The following SPTY2D1 variants were observed in gnomAD, a reference collection of about 807,000 sequenced individuals.
The protein encoded by SPTY2D1 is protein SPT2 homolog.
A neutral mutation model predicts 64.0 loss-of-function variants in SPTY2D1; 21 were observed. That is an observed-to-expected ratio of 0.33 (90% confidence interval 0.23 to 0.47). The LOEUF (loss-of-function observed/expected upper bound fraction) is 0.47, where lower values mean the gene tolerates loss of function less well. Among genes scored for constraint, SPTY2D1 ranks in the 20% least tolerant of loss-of-function variants. The pLI, the probability that SPTY2D1 is intolerant of heterozygous loss-of-function variation, is 1.00. For synonymous variants in SPTY2D1, 287 were observed against 286.8 expected (o/e 1.00, Z -0.01); for missense variants, 724 against 837.2 (o/e 0.86, Z 1.67).
intron 1 of SPTY2D1, among the ~76,000 whole-genome samples, chr11:18,629,888 C>A (rs529714439): frequency 8.5e-4 from 130 of 152,296 alleles, no homozygotes; most frequent in Middle Eastern, 3.4e-3. Flanking sequence ...AAATAAAGCT[C>A]TGCCGGGCAC....
intron 1 of SPTY2D1, among the ~76,000 whole-genome samples, chr11:18,622,103 A>C (rs1168742161): frequency 1.4e-5 from 2 of 148,056 alleles, no homozygotes; most frequent in African/African-American, 4.9e-5. Context: ...AAAAAAAAAA[A>C]ACCAAAACCA....
rs1413961464 is a variant in SPTY2D1, at chr11:18,629,814, A to G, written c.60+4384T>C. 3.3e-5 allele frequency among the ~76,000 whole-genome samples: 5 copies of G among 152,164 alleles called. No homozygotes were observed. The East Asian group carries it at 9.6e-4, about 29-fold the overall frequency. On this transcript the variant is annotated intron_variant, in intron 1 of 5. Coordinates refer to ENST00000336349, the MANE Select transcript of SPTY2D1 (RefSeq NM_194285.3). ...AACTATTTGTTAAAAATTAAGAAAC[A>G]AAAAAATGATGATTAGGGAAATACT...
Position 18,617,205 on chromosome 11 carries a change from C to T in SPTY2D1, c.61-216G>A, listed in dbSNP as rs529411592. 2.0e-5 allele frequency among the ~76,000 whole-genome samples: 3 copies of T among 152,244 alleles called. No individual in the cohort carries two copies. The South Asian group carries it at 6.2e-4, about 32-fold the overall frequency. ...TTTGGGGTACAAAGTTTCCATGTAA[C>T]ATCCCAAAATAATGCATAAATGAAC... On this transcript the variant is annotated intron_variant, in intron 1 of 5. Coordinates refer to ENST00000336349, the MANE Select transcript of SPTY2D1 (RefSeq NM_194285.3).
Position 18,632,353 on chromosome 11 carries a change from TG to T in SPTY2D1, c.60+1844del, listed in dbSNP as rs1188094096. Among the ~76,000 whole-genome samples, 758 of 150,206 alleles carry T rather than the reference TG, an allele frequency of 5.0e-3. 3 individuals carry two copies. The highest frequency in any genetic ancestry group is 0.015 in the African/African-American group (621 of 41,266). On this transcript the variant is annotated intron_variant, in intron 1 of 5. Transcript: ENST00000336349. ...TAAAATATATGGCTATATTATCTAT[TG>T]ATTTTTTTTTTTTTGAAATGAAGTT...
At chr11:18,619,497 A>T (rs1218961967) in intron 1 of SPTY2D1, among the ~76,000 whole-genome samples, 12 of 151,010 alleles carry the variant, frequency 7.9e-5, no homozygotes. Flanking sequence ...AGTGACTTAC[A>T]CCTGTAATCC....
Position 18,612,217 on chromosome 11 carries a change from T to A in SPTY2D1, c.1886+97A>T. 7 of 915,946 alleles carry A rather than the reference T, an allele frequency of 7.6e-6. No homozygotes were observed. The highest frequency in any genetic ancestry group is 1.1e-5 in the Non-Finnish European group (7 of 633,052). The allele number at this position is 915,946 out of a possible 1,614,324, so 56.7% of individuals were successfully genotyped here. On this transcript the variant is annotated intron_variant, in intron 4 of 5. Transcript: ENST00000336349. The surrounding 1 kb of genome is among the most constrained non-coding windows in gnomAD (Gnocchi z 4.6). ...CCCAAGGGTTCCTAATTAAGAATTG[T>A]ATTCAGTGCCTCCACTATTAGTTTA...
rs1854275451 is a variant in SPTY2D1, at chr11:18,615,190, T to C, written c.1084A>G (p.Lys362Glu). The C allele has an allele frequency of 6.2e-7, 1 of 1,614,182 alleles. No homozygotes were observed. Among genetic ancestry groups the C allele is most frequent in the Admixed American group, 1.7e-5 (1 of 60,030 alleles). ...TGCCTGACACCTGGACTCTTAGCCT[T>C]ATTGTGTGGGGTGACCATGGGCCCA... ...RPGPMVTPHN[K>E]AKSPGVRQPG... The change falls in exon 3 of 6, where the codon AAG becomes GAG. Residue 362 changes from lysine to glutamate, a missense_variant. Around this residue, in one of 3 missense-constraint regions of SPTY2D1, gnomAD observed 426 missense variants for 431.8 expected, o/e 0.99. Coordinates refer to ENST00000336349, the MANE Select transcript of SPTY2D1 (RefSeq NM_194285.3).
At chr11:18,632,145 T>G in intron 1 of SPTY2D1, among the ~76,000 whole-genome samples, 1 of 150,142 alleles carries the variant, frequency 6.7e-6, no homozygotes, top group East Asian at 1.9e-4. Context: ...AGAGTGAGAC[T>G]CTATCTTAAA....
In SPTY2D1 at chr11:18,609,044, C is replaced by T. The variant is rs1854151619; in HGVS notation, c.*817G>A. 6.6e-6 allele frequency: 1 copy of T among 152,302 alleles called. No individual in the cohort carries two copies. Among genetic ancestry groups the T allele is most frequent in the Admixed American group, 6.6e-5 (1 of 15,244 alleles). The allele number at this position is 152,302 out of a possible 1,614,324, so 9.4% of individuals were successfully genotyped here. ...CTTATTTTATAAACTATTACTCTTTCAAATCTAATGTTTGAATAAAATATT... is the reference window on the plus strand; with the variant it reads ...CTTATTTTATAAACTATTACTCTTTTAAATCTAATGTTTGAATAAAATATT... On this transcript the variant is annotated 3_prime_UTR_variant, in exon 6 of 6. Coordinates refer to ENST00000336349, the MANE Select transcript of SPTY2D1 (RefSeq NM_194285.3).
At chr11:18,630,513 G>T (rs1190020518) in intron 1 of SPTY2D1, among the ~76,000 whole-genome samples, 2 of 152,176 alleles carry the variant, frequency 1.3e-5, no homozygotes, top group African/African-American at 4.8e-5. Context: ...CTGAAAGGCT[G>T]AAGTGGCTGT....
intron 1 of SPTY2D1, among the ~76,000 whole-genome samples, 159 bp downstream of exon 1, chr11:18,634,039 C>G (rs1854629381): frequency 1.3e-5 from 2 of 152,170 alleles, no homozygotes; most frequent in Admixed American, 1.3e-4. Flanking sequence ...TCTTTTCTCC[C>G]GAGTTCCCAA....
rs1854204346 is a variant in SPTY2D1 at position 18,611,404 on chromosome 11, G to A, written c.1964+73C>T. ...TGGCCCAAAGCCCCAGTTCCCAATG[G>A]TGCAATTGTAGCAATAAGCAGAAAG... On this transcript the variant is annotated intron_variant, in intron 5 of 5. Coordinates refer to ENST00000336349, the MANE Select transcript of SPTY2D1 (RefSeq NM_194285.3). 5.1e-6 allele frequency: 7 copies of A among 1,365,240 alleles called. No homozygotes were observed. In the East Asian group the frequency reaches 1.1e-4, roughly 22 times the overall value. The allele number at this position is 1,365,240 out of a possible 1,614,324, so 84.6% of individuals were successfully genotyped here. A position where few individuals can be genotyped will look rare whatever the true frequency, so the allele number is the denominator to read the frequency against.
intron 2 of SPTY2D1, among the ~76,000 whole-genome samples, chr11:18,616,321 A>C (rs940372855): frequency 6.6e-6 from 1 of 152,194 alleles, no homozygotes; most frequent in South Asian, 2.1e-4. Flanking sequence ...TTCAGCTTTA[A>C]ATATACAAAA....
chr11:18,634,208 T>C lies in SPTY2D1; in HGVS notation c.50A>G (p.Asn17Ser), dbSNP rs769093046. ...LMIASKGQGV[N>S]NVPKRYSLAV... Reference sequence around the variant, plus strand: ...CCAGCTGCTACTTACCGGCACATTGTTGACACCTTGTCCCTTGGAAGCTAT... The same window carrying C: ...CCAGCTGCTACTTACCGGCACATTGCTGACACCTTGTCCCTTGGAAGCTAT... The change falls in exon 1 of 6, where the codon AAC (asparagine) becomes AGC (serine). Residue 17 changes from asparagine to serine, a missense_variant. Physicochemically the swap from Asn to Ser is conservative, Grantham distance 46. Transcript: ENST00000336349. The C allele has an allele frequency of 1.2e-6, 2 of 1,614,216 alleles. No individual in the cohort carries two copies. Among genetic ancestry groups the C allele is most frequent in the South Asian group, 1.1e-5 (1 of 91,088 alleles).
Position 18,612,426 on chromosome 11 carries a change from C to T in SPTY2D1, c.1774G>A (p.Asp592Asn). ...TCAGAGTCGTATTCATCATCATCGT[C>T]ATCTTCCTCTTCATATTCTCGCTGC... is the stretch of plus-strand genomic sequence containing the variant. ...KRQREYEEED[D>N]DDDEYDSEME... The change falls in exon 4 of 6, where the codon GAC (aspartate) becomes AAC (asparagine). Residue 592 changes from aspartate to asparagine, a missense_variant. By Grantham distance (23) the Asp-to-Asn change is conservative. Around this residue, in one of 3 missense-constraint regions of SPTY2D1, gnomAD observed 119 missense variants for 172.9 expected, o/e 0.69. Transcript: ENST00000336349. This position sits in a 1 kb window ranked among gnomAD's most constrained non-coding sequence, Gnocchi z 4.6. The T allele has an allele frequency of 6.2e-7, 1 of 1,610,240 alleles. No individual in the cohort carries two copies. Among genetic ancestry groups the T allele is most frequent in the Non-Finnish European group, 8.5e-7 (1 of 1,177,644 alleles).
At chr11:18,620,609 G>A (rs564698994) in intron 1 of SPTY2D1, among the ~76,000 whole-genome samples, 43 of 151,804 alleles carry the variant, frequency 2.8e-4, no homozygotes, top group Middle Eastern at 3.4e-3. Flanking sequence ...CTATTAAGCC[G>A]GGCACGGTGG....
At chr11:18,633,755 G>A (rs1233135555) in intron 1 of SPTY2D1, among the ~76,000 whole-genome samples, 4 of 152,180 alleles carry the variant, frequency 2.6e-5, no homozygotes, top group African/African-American at 4.8e-5. Flanking sequence ...CGTTTGACTT[G>A]AAGATCGATG....
At chr11:18,617,162 T>A (rs901187693) in intron 1 of SPTY2D1, among the ~76,000 whole-genome samples, 173 bp from the exon 2 acceptor site, 10 of 152,230 alleles carry the variant, frequency 6.6e-5, no homozygotes, top group Non-Finnish European at 1.2e-4. Context: ...TTTCAGACTA[T>A]TTATTACGTA....
chr11:18,626,732 T>C (rs1854504867), intron 1 of SPTY2D1, among the ~76,000 whole-genome samples: 1 of 152,244 alleles, frequency 6.6e-6, no homozygotes, highest in Non-Finnish European at 1.5e-5. Context: ...ATAAAGTGCT[T>C]AGAACAGTGC....
Sources: gnomAD v4.1 joint callset for allele counts (sites outside exome capture counted in the v4.1 genomes callset) on GRCh38, gnomAD v4.1.1 for gene constraint, gnomAD v4.1.1 regional missense constraint, Gnocchi (gnomAD v3.1) non-coding constraint, MANE v1.5 for transcripts, NCBI Gene and HGNC (gene_info 2026-07-23, HGNC 2026-07-21) for gene names.